Variants in QTMAN observed in about 807,000 individuals in gnomAD.
QTMAN encodes the protein tRNA-queuosine alpha-mannosyltransferase.
the QTMAN span, among the ~76,000 whole-genome samples, chr2:144,308,211 G>GGC: frequency 6.8e-6 from 1 of 147,046 alleles, no homozygotes; most frequent in Non-Finnish European, 1.5e-5. Flanking sequence ...CTGTCACCTG[G>GGC]GCTGGAGTGC....
At chr2:144,150,045 T>C in the QTMAN span, among the ~76,000 whole-genome samples, 1 of 151,964 alleles carries the variant, frequency 6.6e-6, no homozygotes, top group African/African-American at 2.4e-5. Context: ...ATGGGCTAGG[T>C]CACCTCACTC....
chr2:144,067,516 T>G, the QTMAN span, among the ~76,000 whole-genome samples: 101 of 152,242 alleles, frequency 6.6e-4, no homozygotes, highest in African/African-American at 2.4e-3. Flanking sequence ...TCATAGCATA[T>G]AAAAGAAATC....
the QTMAN span, among the ~76,000 whole-genome samples, chr2:144,050,627 T>G: frequency 6.6e-6 from 1 of 152,182 alleles, no homozygotes; most frequent in Non-Finnish European, 1.5e-5. Flanking sequence ...TCTAAATTCA[T>G]TTTTTCCTTC....
chr2:144,272,706 A>G, the QTMAN span, among the ~76,000 whole-genome samples: 1 of 152,242 alleles, frequency 6.6e-6, no homozygotes, highest in East Asian at 1.9e-4. Flanking sequence ...ATGGAAATCT[A>G]CATTATGTGT....
the QTMAN span, among the ~76,000 whole-genome samples, chr2:144,220,287 T>C: frequency 6.6e-6 from 1 of 152,098 alleles, no homozygotes; most frequent in East Asian, 1.9e-4. Flanking sequence ...CCTGAAGATA[T>C]TTAGGATTGA....
At chr2:144,244,640 C>T in the QTMAN span, among the ~76,000 whole-genome samples, 11 of 152,172 alleles carry the variant, frequency 7.2e-5, no homozygotes, top group South Asian at 1.5e-3. Context: ...AAAGAAAATT[C>T]GGCTATTCTC....
the QTMAN span, chr2:143,957,233 G>A: frequency 6.2e-7 from 1 of 1,608,754 alleles, no homozygotes; most frequent in Non-Finnish European, 8.5e-7. Context: ...CTGTTGAGAT[G>A]ACAACATCAG....
the QTMAN span, among the ~76,000 whole-genome samples, chr2:144,022,780 T>C: frequency 6.6e-6 from 1 of 151,984 alleles, no homozygotes; most frequent in African/African-American, 2.4e-5. Flanking sequence ...GCCACGATGG[T>C]CTTGATCTCC....
the QTMAN span, chr2:143,944,643 A>C: frequency 6.6e-6 from 1 of 152,126 alleles, no homozygotes; most frequent in Admixed American, 6.5e-5. Context: ...ATGGGGTTTC[A>C]CCGTGTTAGC....
the QTMAN span, among the ~76,000 whole-genome samples, chr2:144,023,992 A>G: frequency 2.0e-5 from 3 of 152,248 alleles, no homozygotes; most frequent in Non-Finnish European, 1.5e-5. Flanking sequence ...TCAGTAATGT[A>G]TGCCAGGGTA....
chr2:144,145,868 G>A, the QTMAN span: 5 of 615,076 alleles, frequency 8.1e-6, no homozygotes, highest in African/African-American at 9.3e-5. Context: ...ATCAATAGTT[G>A]AGGCTTAATA....
the QTMAN span, among the ~76,000 whole-genome samples, chr2:144,111,615 G>A: frequency 1.3e-5 from 2 of 152,182 alleles, no homozygotes; most frequent in Non-Finnish European, 1.5e-5. Flanking sequence ...CTGATCAGAT[G>A]TGAGTTCCCT....
chr2:144,137,301 T>C, the QTMAN span, among the ~76,000 whole-genome samples: 18 of 152,146 alleles, frequency 1.2e-4, no homozygotes, highest in African/African-American at 4.3e-4. Flanking sequence ...TGTACAATCA[T>C]GGAGAAATGT....
the QTMAN span, among the ~76,000 whole-genome samples, chr2:143,970,002 G>T: frequency 6.6e-6 from 1 of 152,198 alleles, no homozygotes; most frequent in Non-Finnish European, 1.5e-5. Flanking sequence ...AAGCTTAAAA[G>T]ACATGAATAC....
the QTMAN span, among the ~76,000 whole-genome samples, chr2:144,104,851 AC>A: frequency 2.0e-5 from 3 of 152,046 alleles, no homozygotes; most frequent in Admixed American, 6.6e-5. Context: ...ACTGGGAGGC[AC>A]CCCCCAGTAG....
chr2:143,944,038 A>C, the QTMAN span: 1 of 151,884 alleles, frequency 6.6e-6, no homozygotes, highest in East Asian at 1.9e-4. Flanking sequence ...TCGAGTGTTA[A>C]AAAAAAAGAG....
chr2:143,992,624 T>C, the QTMAN span, among the ~76,000 whole-genome samples: 17 of 152,202 alleles, frequency 1.1e-4, no homozygotes, highest in African/African-American at 3.6e-4. Context: ...CCTACAGCTA[T>C]AAACTCAGCA....
At chr2:144,231,567 C>T in the QTMAN span, among the ~76,000 whole-genome samples, 5 of 152,026 alleles carry the variant, frequency 3.3e-5, no homozygotes, top group Non-Finnish European at 5.9e-5. Flanking sequence ...TCTATAAATT[C>T]TATTCTACAA....
the QTMAN span, among the ~76,000 whole-genome samples, chr2:144,079,866 T>C: frequency 1.3e-5 from 2 of 152,114 alleles, no homozygotes; most frequent in East Asian, 3.8e-4. Context: ...AATTTTTAGG[T>C]ACATTAACAG....
Sources: gnomAD v4.1 joint callset for allele counts (sites outside exome capture counted in the v4.1 genomes callset) on GRCh38, gnomAD v4.1.1 for gene constraint, MANE v1.5 for transcripts, NCBI Gene and HGNC (gene_info 2026-07-23, HGNC 2026-07-21) for gene names.